The following UACA variants were observed in gnomAD, a reference collection of about 807,000 sequenced individuals.
UACA encodes the protein uveal autoantigen with coiled-coil domains and ankyrin repeats, also known as nuclear membrane binding protein.
Under a neutral mutation model 160.5 loss-of-function variants are expected in UACA, and 112 were observed. The observed-to-expected ratio is 0.70, with a 90% CI of 0.60 to 0.82. The LOEUF (loss-of-function observed/expected upper bound fraction) is 0.82. Ranked by LOEUF, UACA falls within the 40% of genes least tolerant of loss-of-function variation. The pLI is 0.00. For missense variants in UACA, 1,574 were observed against 1,614.6 expected (o/e 0.97, Z 0.43); for synonymous variants, 557 against 568.4 (o/e 0.98, Z 0.29).
intron 1 of UACA, among the ~76,000 whole-genome samples, chr15:70,737,229 T>TA (rs1408414694): frequency 6.6e-6 from 1 of 152,228 alleles, no homozygotes; most frequent in African/African-American, 2.4e-5. Flanking sequence ...AACAGTACCC[T>TA]ACTTGGGAAC....
chr15:70,712,369 T>C (rs1277094204), intron 1 of UACA, among the ~76,000 whole-genome samples: 2 of 152,274 alleles, frequency 1.3e-5, no homozygotes, highest in Non-Finnish European at 1.5e-5. Flanking sequence ...GTTAGTACCA[T>C]CCCTCACCAG....
intron 1 of UACA, among the ~76,000 whole-genome samples, chr15:70,758,107 C>T (rs768416029): frequency 1.2e-4 from 19 of 152,114 alleles, no homozygotes; most frequent in Admixed American, 6.5e-4. Flanking sequence ...TATTAAAAAA[C>T]TAATTAAAAT....
chr15:70,737,275 A>G (rs1049737060), intron 1 of UACA, among the ~76,000 whole-genome samples: 7 of 152,210 alleles, frequency 4.6e-5, no homozygotes, highest in Non-Finnish European at 1.0e-4. Flanking sequence ...AGAGTGGGCA[A>G]CTTCATCCGT....
chr15:70,746,406 T>C (rs1899708938), intron 1 of UACA, among the ~76,000 whole-genome samples: 1 of 152,098 alleles, frequency 6.6e-6, no homozygotes, highest in African/African-American at 2.4e-5. Flanking sequence ...CACTGGTCAT[T>C]AGAGAAATGC....
intron 1 of UACA, among the ~76,000 whole-genome samples, chr15:70,707,306 A>C (rs987234163): frequency 2.6e-5 from 4 of 152,314 alleles, no homozygotes; most frequent in Non-Finnish European, 5.9e-5. Flanking sequence ...ACCTAAACAT[A>C]AGACCCCAAA....
In UACA at chr15:70,700,507, T is replaced by C. The variant is rs192452104; in HGVS notation, c.79-847A>G. Among the ~76,000 whole-genome samples, 833 of 152,026 alleles carry C rather than the reference T, an allele frequency of 5.5e-3. 2 individuals carry two copies. Among genetic ancestry groups the C allele is most frequent in the Non-Finnish European group, 9.2e-3 (627 of 67,908 alleles). On this transcript the variant is annotated intron_variant, in intron 1 of 18. Coordinates refer to ENST00000322954, the MANE Select transcript of UACA (RefSeq NM_018003.4). ...TCTCCCTTTTTACATTCCACATGTA[T>C]TGTTTTTATAAAAAATGTTTTTTAT...
chr15:70,762,051 TA>T (rs530247134), intron 1 of UACA, among the ~76,000 whole-genome samples: 5 of 149,528 alleles, frequency 3.3e-5, no homozygotes, highest in African/African-American at 7.3e-5. Context: ...TTACTTTTTT[TA>T]AAAAAAAAAG....
rs1221819829 is a variant in UACA, at chr15:70,727,904, C to A, written c.79-28244G>T. Among the ~76,000 whole-genome samples the A allele has an allele frequency of 2.0e-5, 3 of 152,262 alleles. No homozygotes were observed. The East Asian group carries it at 5.8e-4, about 29-fold the overall frequency. ...CACTGCCTATATTCTTTCCCTGAAC[C>A]ACCTAAGGCTCTTCACAGAGCAGCT... is the stretch of plus-strand genomic sequence containing the variant. On this transcript the variant is annotated intron_variant, in intron 1 of 18. Transcript: ENST00000322954.
At chr15:70,767,874 A>C (rs1364226269), upstream of UACA, 1 of 152,180 alleles carries the variant, frequency 6.6e-6, no homozygotes, top group Non-Finnish European at 1.5e-5. Context: ...GAGGAAAGGC[A>C]CTTCTACCCA....
At chr15:70,767,263 ACAAAAACAAAAACAACAACAAT>A (rs2031036766), upstream of UACA, among the ~76,000 whole-genome samples, 1 of 136,720 alleles carries the variant, frequency 7.3e-6, no homozygotes, top group Non-Finnish European at 1.5e-5. Flanking sequence ...AAAACAAAAA[ACAAAAACAAAAACAACAACAAT>A]AAAAAAAAGA....
the UACA span, among the ~76,000 whole-genome samples, chr15:70,776,576 T>G: frequency 1.3e-5 from 2 of 151,974 alleles, no homozygotes; most frequent in Non-Finnish European, 2.9e-5. Context: ...TACAGGCAAA[T>G]GCCACCATGC....
chr15:70,749,698 C>CAAAAAAAAAAAAAAAAAAAAAAAA (rs11292883), intron 1 of UACA, among the ~76,000 whole-genome samples: 5 of 70,044 alleles, frequency 7.1e-5, no homozygotes, highest in African/African-American at 2.6e-4. Flanking sequence ...GACTCCGTCT[C>CAAAAAAAAAAAAAAAAAAAAAAAA]AAAAAAAAAA....
At chr15:70,675,090 G>A (rs190500057) in intron 13 of UACA, among the ~76,000 whole-genome samples, 43 of 152,280 alleles carry the variant, frequency 2.8e-4, no homozygotes, top group Admixed American at 7.8e-4. Flanking sequence ...TTGGGTTCAA[G>A]TCCTGACTCT....
At chr15:70,688,535 T>C (rs1383428488) in intron 5 of UACA, among the ~76,000 whole-genome samples, 1 of 152,146 alleles carries the variant, frequency 6.6e-6, no homozygotes, top group Non-Finnish European at 1.5e-5. Flanking sequence ...GAAAATCAAG[T>C]AAATTTTCAC....
chr15:70,697,974 C>T (rs1595896023), intron 2 of UACA, among the ~76,000 whole-genome samples: 1 of 152,128 alleles, frequency 6.6e-6, no homozygotes, highest in Non-Finnish European at 1.5e-5. Context: ...CGCTTGAACC[C>T]GGGAGACAGA....
At chr15:70,742,929 G>A (rs983058160) in intron 1 of UACA, among the ~76,000 whole-genome samples, 1 of 152,124 alleles carries the variant, frequency 6.6e-6, no homozygotes, top group Admixed American at 6.5e-5. Context: ...AGTTTAGGTG[G>A]AGCTGACTGG....
intron 1 of UACA, among the ~76,000 whole-genome samples, chr15:70,744,092 A>G (rs978265255): frequency 3.9e-5 from 6 of 152,000 alleles, no homozygotes; most frequent in Non-Finnish European, 7.4e-5. Context: ...AAAATACAAA[A>G]AAAGTAGCCA....
rs143834931 is a variant in UACA at position 70,723,952 on chromosome 15, T to C, written c.79-24292A>G. Among the ~76,000 whole-genome samples the C allele has an allele frequency of 5.5e-3, 831 of 152,262 alleles. 8 individuals are homozygous for C. The highest frequency in any genetic ancestry group is 0.019 in the African/African-American group (789 of 41,568). On this transcript the variant is annotated intron_variant, in intron 1 of 18. Transcript: ENST00000322954. ...TGGCCTTGAACTTTTTCAAAGAAAC[T>C]TCCTCTGACTCCCCAGATTTTGTCA...
intron 1 of UACA, among the ~76,000 whole-genome samples, chr15:70,722,615 A>T (rs1241366026): frequency 2.6e-5 from 4 of 152,148 alleles, no homozygotes; most frequent in Non-Finnish European, 5.9e-5. Context: ...TTAAAACAGT[A>T]ACTTTATTTT....
Sources: gnomAD v4.1 joint callset for allele counts (sites outside exome capture counted in the v4.1 genomes callset) on GRCh38, gnomAD v4.1.1 for gene constraint, MANE v1.5 for transcripts, NCBI Gene and HGNC (gene_info 2026-07-23, HGNC 2026-07-21) for gene names.